Variants in ATP9B observed in about 807,000 individuals in gnomAD.
ATP9B encodes probable phospholipid-transporting ATPase IIB.
ATP9B carries 110 observed loss-of-function variants against 146.1 expected under a neutral mutation model. The observed-to-expected ratio is 0.75, with a 90% confidence interval of 0.65 to 0.88. ATP9B has a LOEUF of 0.88. Ranked by LOEUF, ATP9B falls within the 40% of genes least tolerant of loss-of-function variation. ATP9B has a pLI of 0.00. For missense variants in ATP9B, 1,499 were observed against 1,496.4 expected (o/e 1.00, Z -0.03); for synonymous variants, 604 against 569.7 (o/e 1.06, Z -0.86).
At chr18:79,213,276 A>G (rs56131294) in intron 10 of ATP9B, among the ~76,000 whole-genome samples, 10,194 of 152,198 alleles carry the variant, frequency 0.067, 420 homozygotes, top group Non-Finnish European at 0.092. Flanking sequence ...AGAGATTTCC[A>G]TGGTTTTTAA....
intron 26 of ATP9B, chr18:79,363,794 C>T (rs1339599125): frequency 6.6e-6 from 1 of 151,928 alleles, no homozygotes; most frequent in Non-Finnish European, 1.5e-5. Flanking sequence ...ACAGATGATC[C>T]TGGAATGAGA....
Position 79,273,992 on chromosome 18 carries a change from G to A in ATP9B, c.1269-3062G>A, listed in dbSNP as rs572167108. Among the ~76,000 whole-genome samples, 11 of 152,214 alleles carry A rather than the reference G, an allele frequency of 7.2e-5. 1 individual carries two copies. The highest frequency in any genetic ancestry group is 7.2e-4 in the Admixed American group (11 of 15,290). On this transcript the variant is annotated intron_variant, in intron 12 of 29. Transcript: ENST00000426216. ...TGCATAAAAGTCATGACTGCCTTTT[G>A]TTTCAGGTAACTGTCTGAAATGACA...
At chr18:79,122,954 T>A (rs928253639) in intron 4 of ATP9B, among the ~76,000 whole-genome samples, 1 of 152,200 alleles carries the variant, frequency 6.6e-6, no homozygotes, top group African/African-American at 2.4e-5. Context: ...CTTCTGTTCT[T>A]AAAATTTTGT....
chr18:79,291,050 A>C (rs182845567), intron 13 of ATP9B, among the ~76,000 whole-genome samples: 20 of 152,304 alleles, frequency 1.3e-4, no homozygotes, highest in Non-Finnish European at 2.9e-4. Flanking sequence ...GTCATGGATC[A>C]CATCTGTTGC....
At chr18:79,094,816 T>C (rs2074651309) in intron 1 of ATP9B, among the ~76,000 whole-genome samples, 1 of 152,150 alleles carries the variant, frequency 6.6e-6, no homozygotes, top group Non-Finnish European at 1.5e-5. Flanking sequence ...GTCAGCCCCA[T>C]CAACTGGAGG....
At chr18:79,240,161 C>T (rs2095875422) in intron 11 of ATP9B, among the ~76,000 whole-genome samples, 1 of 152,198 alleles carries the variant, frequency 6.6e-6, no homozygotes, top group African/African-American at 2.4e-5. Context: ...CTCAATATTC[C>T]CCTCTGTTAA....
chr18:79,337,196 C>T, intron 18 of ATP9B, 83 bp from the exon 19 acceptor site: 2 of 1,555,064 alleles, frequency 1.3e-6, no homozygotes, highest in Non-Finnish European at 1.8e-6. Flanking sequence ...CCTCTGTCCC[C>T]ACAGCCCATG....
chr18:79,321,956 C>T (rs1489124564), intron 15 of ATP9B, among the ~76,000 whole-genome samples: 1 of 152,142 alleles, frequency 6.6e-6, no homozygotes, highest in Non-Finnish European at 1.5e-5. Context: ...GCCTCAGGAG[C>T]GTTGGCATAA....
intron 23 of ATP9B, among the ~76,000 whole-genome samples, chr18:79,346,863 G>A (rs1002524258): frequency 2.6e-5 from 4 of 152,334 alleles, no homozygotes; most frequent in African/African-American, 4.8e-5. Context: ...GGTGTGTCCC[G>A]GGCACTGAAC....
intron 13 of ATP9B, among the ~76,000 whole-genome samples, chr18:79,279,046 G>A (rs1237567760): frequency 6.6e-6 from 1 of 152,198 alleles, no homozygotes; most frequent in Non-Finnish European, 1.5e-5. Context: ...GGGTGGACGA[G>A]CCCCAGACCT....
intron 26 of ATP9B, chr18:79,372,428 C>G: frequency 2.8e-6 from 1 of 362,162 alleles, no homozygotes; most frequent in South Asian, 2.1e-5. Context: ...ATCTTTTGAT[C>G]TGAAAAAACC....
At chr18:79,234,675 G>A (rs1044225220) in intron 11 of ATP9B, among the ~76,000 whole-genome samples, 3 of 151,046 alleles carry the variant, frequency 2.0e-5, no homozygotes, top group Non-Finnish European at 4.4e-5. Flanking sequence ...GCTCCTGTGG[G>A]TGTGCTGCTG....
intron 11 of ATP9B, among the ~76,000 whole-genome samples, chr18:79,225,392 C>CT (rs1389014868): frequency 6.6e-6 from 1 of 152,226 alleles, no homozygotes; most frequent in Non-Finnish European, 1.5e-5. Flanking sequence ...AATATATCAT[C>CT]TAAGAGTTTT....
chr18:79,295,342 T>C (rs2096540289), intron 13 of ATP9B, among the ~76,000 whole-genome samples: 2 of 152,242 alleles, frequency 1.3e-5, no homozygotes, highest in South Asian at 2.1e-4. Flanking sequence ...ATCTTACTCA[T>C]TGATTTCCTC....
intron 19 of ATP9B, 60 bp from the exon 20 acceptor site, chr18:79,342,208 A>C: frequency 1.5e-6 from 2 of 1,314,462 alleles, no homozygotes; most frequent in Non-Finnish European, 1.1e-6. Flanking sequence ...ATTATGTGAG[A>C]CATCAGAAAT....
chr18:79,144,254 C>T (rs528209712), intron 6 of ATP9B: 3 of 155,208 alleles, frequency 1.9e-5, no homozygotes, highest in African/African-American at 7.2e-5. Flanking sequence ...CCAAGGATAC[C>T]AAAATCCACA....
In ATP9B at chr18:79,280,574, C is replaced by CT. The variant is rs563671808; in HGVS notation, c.1411+3386dup. ...ACCACAGGAAGAAATGTTTAGATCT[C>CT]TTTTTTTTATTGATTAGCCAAGCAG... On this transcript the variant is annotated intron_variant, in intron 13 of 29. Coordinates refer to ENST00000426216, the MANE Select transcript of ATP9B (RefSeq NM_198531.5). Among the ~76,000 whole-genome samples the CT allele has an allele frequency of 5.3e-5, 8 of 151,990 alleles. No individual in the cohort carries two copies. In the South Asian group the frequency reaches 8.4e-4, roughly 16 times the overall value.
At chr18:79,376,256 A>G in intron 29 of ATP9B, 2 of 984,674 alleles carry the variant, frequency 2.0e-6, no homozygotes, top group African/African-American at 1.8e-5. Context: ...CGTCCAAACA[A>G]ATCCCACAGG....
chr18:79,223,711 CT>C lies in ATP9B; in HGVS notation c.1107+9676del, dbSNP rs534332953. On this transcript the variant is annotated intron_variant, in intron 11 of 29. Transcript: ENST00000426216. ...AGCCTTCACTTGCATACCCGGCACA[CT>C]TTGATATGACAGCTGCTCACAATTA... Among the ~76,000 whole-genome samples the C allele has an allele frequency of 2.8e-3, 421 of 152,322 alleles. 2 individuals carry two copies. The highest frequency in any genetic ancestry group is 4.5e-3 in the Non-Finnish European group (304 of 68,040).
Sources: allele counts gnomAD v4.1 joint callset (sites outside exome capture counted in the v4.1 genomes callset), GRCh38; gene constraint gnomAD v4.1.1; transcripts MANE v1.5; gene names NCBI Gene and HGNC (gene_info 2026-07-23, HGNC 2026-07-21).